MRTFB: variants seen among roughly 807,000 people sequenced by gnomAD.
The protein encoded by MRTFB is myocardin related transcription factor B.
A neutral mutation model predicts 104.2 loss-of-function variants in MRTFB; 29 were observed. The ratio of observed to expected loss-of-function variants is 0.28; its 90% confidence interval spans 0.21 to 0.38. The LOEUF (loss-of-function observed/expected upper bound fraction) is 0.38, where lower values mean the gene tolerates loss of function less well. Ranked by LOEUF, MRTFB falls within the 10% of genes least tolerant of loss-of-function variation. The pLI is 1.00. For missense variants in MRTFB, 1,270 were observed against 1,341.6 expected (o/e 0.95, Z 0.83); for synonymous variants, 535 against 519.5 (o/e 1.03, Z -0.41).
chr16:14,251,451 A>G (rs1210846872), intron 13 of MRTFB, among the ~76,000 whole-genome samples: 1 of 151,918 alleles, frequency 6.6e-6, no homozygotes, highest in East Asian at 1.9e-4. Flanking sequence ...AAATTCAGCT[A>G]TCATTTAAGA....
At chr16:14,171,499 G>GGA (rs372109988) in intron 3 of MRTFB, among the ~76,000 whole-genome samples, 11 of 138,872 alleles carry the variant, frequency 7.9e-5, no homozygotes, top group African/African-American at 2.9e-4. Context: ...ACTCTGTCTC[G>GGA]AAAAAAAAAA....
At chr16:14,144,977 CATACATATATATATATATGTAT>C (rs371624040) in intron 3 of MRTFB, among the ~76,000 whole-genome samples, 25,498 of 144,076 alleles carry the variant, frequency 0.18, 4,592 homozygotes, top group African/African-American at 0.45. Flanking sequence ...TAAATATATA[CATACATATATATATATATGTAT>C]ATATATATAT....
chr16:14,257,295 G>A (rs1268680617), intron 15 of MRTFB, among the ~76,000 whole-genome samples: 4 of 152,074 alleles, frequency 2.6e-5, no homozygotes, highest in Admixed American at 1.3e-4. Context: ...GTACACAAAT[G>A]TTCACAACAA....
Position 14,163,606 on chromosome 16 carries a change from C to T in MRTFB, c.154+22846C>T, listed in dbSNP as rs141789597. Among the ~76,000 whole-genome samples the T allele has an allele frequency of 7.5e-3, 1,148 of 152,092 alleles. 19 individuals carry two copies. Among genetic ancestry groups the T allele is most frequent in the African/African-American group, 0.026 (1,081 of 41,490 alleles). On this transcript the variant is annotated intron_variant, in intron 3 of 16. Transcript: ENST00000571589. ...CAGCACCTTGGGAGGCCGAGGCAGG[C>T]GCATCACCTGAGGTCAGGAGTTCAA... is the stretch of plus-strand genomic sequence containing the variant.
At chr16:14,048,076 C>T in the MRTFB span, among the ~76,000 whole-genome samples, 17,055 of 152,122 alleles carry the variant, frequency 0.11, 1,135 homozygotes, top group East Asian at 0.32. Flanking sequence ...TACACCCATT[C>T]CAAATGGGAG....
chr16:14,127,659 A>T (rs6498501), intron 2 of MRTFB, among the ~76,000 whole-genome samples: 33,154 of 149,274 alleles, frequency 0.22, 6,910 homozygotes, highest in African/African-American at 0.54. Context: ...AAAAAAAAAA[A>T]ATAATGACGA....
chr16:14,161,826 TATTC>T (rs1426217819), intron 3 of MRTFB, among the ~76,000 whole-genome samples: 2 of 152,154 alleles, frequency 1.3e-5, no homozygotes, highest in South Asian at 2.1e-4. Context: ...TAAAGATGTG[TATTC>T]ATTAGTACCT....
At chr16:14,020,938 C>G in the MRTFB span, 1 of 152,240 alleles carries the variant, frequency 6.6e-6, no homozygotes, top group Non-Finnish European at 1.5e-5. Context: ...CTTACCTCAT[C>G]TCAGACAGTG....
At chr16:14,022,471 A>G in the MRTFB span, among the ~76,000 whole-genome samples, 1 of 152,148 alleles carries the variant, frequency 6.6e-6, no homozygotes, top group African/African-American at 2.4e-5. Flanking sequence ...ATCTCCACTC[A>G]CTGCAACTTC....
At chr16:14,034,905 C>T in the MRTFB span, among the ~76,000 whole-genome samples, 4 of 152,196 alleles carry the variant, frequency 2.6e-5, no homozygotes, top group African/African-American at 9.6e-5. Context: ...CCCAGGCCTG[C>T]AGCCAGGACT....
chr16:14,239,572 C>T (rs557508875), intron 9 of MRTFB, among the ~76,000 whole-genome samples: 92 of 151,982 alleles, frequency 6.1e-4, no homozygotes, highest in Non-Finnish European at 1.2e-3. Flanking sequence ...AATCTGAATA[C>T]TGAAAAGTAT....
At chr16:14,046,794 G>T in the MRTFB span, among the ~76,000 whole-genome samples, 3 of 152,154 alleles carry the variant, frequency 2.0e-5, no homozygotes, top group African/African-American at 7.2e-5. Context: ...CACAGAGAAG[G>T]AATCCTTTCT....
the MRTFB span, among the ~76,000 whole-genome samples, chr16:14,037,506 C>A: frequency 6.6e-6 from 1 of 152,012 alleles, no homozygotes; most frequent in South Asian, 2.1e-4. Flanking sequence ...ATTGAGAGTT[C>A]TTTTTACATG....
At chr16:14,207,350 A>G (rs78705932) in intron 3 of MRTFB, among the ~76,000 whole-genome samples, 8,360 of 152,248 alleles carry the variant, frequency 0.055, 698 homozygotes, top group African/African-American at 0.18. Flanking sequence ...TTTTATTTTA[A>G]TAATTGGTGG....
intron 3 of MRTFB, among the ~76,000 whole-genome samples, chr16:14,166,927 T>C (rs2039263553): frequency 6.6e-6 from 1 of 152,228 alleles, no homozygotes; most frequent in African/African-American, 2.4e-5. Context: ...GCATTTGGGT[T>C]GATTCCAAGT....
At position 14,145,326 on chromosome 16, in the gene MRTFB, T is replaced by C. The variant is rs188543335; in HGVS notation, c.154+4566T>C. ...TTATTCCTAGACATTTGAATTTCACTTATTAGAATTATTTTCTGTTGAGGG... is the reference window on the plus strand; with the variant it reads ...TTATTCCTAGACATTTGAATTTCACCTATTAGAATTATTTTCTGTTGAGGG... On this transcript the variant is annotated intron_variant, in intron 3 of 16. Coordinates refer to ENST00000571589, the MANE Select transcript of MRTFB (RefSeq NM_001308142.2). Among the ~76,000 whole-genome samples, 176 of 152,304 alleles carry C rather than the reference T, an allele frequency of 1.2e-3. 3 individuals are homozygous for C. The highest frequency in any genetic ancestry group is 3.5e-4 in the Non-Finnish European group (24 of 68,030).
chr16:14,228,213 T>C (rs1262659326), intron 8 of MRTFB, among the ~76,000 whole-genome samples: 1 of 152,168 alleles, frequency 6.6e-6, no homozygotes, highest in Non-Finnish European at 1.5e-5. Flanking sequence ...CTGTGGACAA[T>C]GTTCAGTCCT....
chr16:14,022,942 G>A, the MRTFB span, among the ~76,000 whole-genome samples: 180 of 151,860 alleles, frequency 1.2e-3, 1 homozygote, highest in African/African-American at 3.8e-3. Flanking sequence ...AGTGACCACC[G>A]GCCTCGGCCT....
chr16:14,230,420 TCAAA>T (rs1309816525), intron 8 of MRTFB, among the ~76,000 whole-genome samples: 3 of 151,942 alleles, frequency 2.0e-5, no homozygotes, highest in Non-Finnish European at 2.9e-5. Context: ...TGCAATGAAC[TCAAA>T]CAAATTTACA....
Sources: gnomAD v4.1 joint callset for allele counts (sites outside exome capture counted in the v4.1 genomes callset) on GRCh38, gnomAD v4.1.1 for gene constraint, MANE v1.5 for transcripts, NCBI Gene and HGNC (gene_info 2026-07-23, HGNC 2026-07-21) for gene names.